Variants in PPARGC1A observed in about 807,000 individuals in gnomAD.
PPARGC1A encodes peroxisome proliferator-activated receptor gamma coactivator 1-alpha.
Under a neutral mutation model 88.7 loss-of-function variants are expected in PPARGC1A, and 25 were observed. The ratio of observed to expected loss-of-function variants is 0.28; its 90% CI spans 0.21 to 0.39. The LOEUF is 0.39. Ranked by LOEUF, PPARGC1A falls within the 10% of genes least tolerant of loss-of-function variation. PPARGC1A has a pLI of 1.00. For synonymous variants in PPARGC1A, 363 were observed against 355.6 expected, an observed-to-expected ratio of 1.02 and a Z score of -0.24; for missense variants, 880 against 968.7, an observed-to-expected ratio of 0.91 and a Z score of 1.22.
At chr4:23,947,245 G>T in the PPARGC1A span, among the ~76,000 whole-genome samples, 8 of 151,316 alleles carry the variant, frequency 5.3e-5, no homozygotes, top group African/African-American at 1.9e-4. Context: ...TATATTGTGT[G>T]CCTACTGTGT....
the PPARGC1A span, among the ~76,000 whole-genome samples, chr4:24,456,469 T>C: frequency 6.6e-6 from 1 of 152,102 alleles, no homozygotes; most frequent in East Asian, 1.9e-4. Flanking sequence ...CATACGATAT[T>C]TGCTAGATGA....
upstream of PPARGC1A, chr4:23,890,094 G>A (rs140052714): frequency 7.2e-7 from 1 of 1,392,342 alleles, no homozygotes; most frequent in East Asian, 2.5e-5. Context: ...CCAGTCACAT[G>A]ACAAAGCTAT....
chr4:24,250,652 G>A, the PPARGC1A span, among the ~76,000 whole-genome samples: 1 of 152,276 alleles, frequency 6.6e-6, no homozygotes, highest in East Asian at 1.9e-4. Context: ...AGAAAGAGGA[G>A]GAGGAAAAAA....
chr4:24,265,020 C>T, the PPARGC1A span, among the ~76,000 whole-genome samples: 2 of 152,176 alleles, frequency 1.3e-5, no homozygotes, highest in African/African-American at 4.8e-5. Flanking sequence ...CAATGTATGA[C>T]ATTGTATATG....
the PPARGC1A span, among the ~76,000 whole-genome samples, chr4:24,018,156 T>C: frequency 6.6e-6 from 1 of 152,222 alleles, no homozygotes; most frequent in African/African-American, 2.4e-5. Context: ...TAGATATTTA[T>C]AGCAATCATG....
chr4:24,033,896 C>T, the PPARGC1A span, among the ~76,000 whole-genome samples: 29 of 152,142 alleles, frequency 1.9e-4, no homozygotes, highest in Admixed American at 1.5e-3. Context: ...TACATTTAAG[C>T]TGCTTTCAAG....
chr4:23,994,124 C>T, the PPARGC1A span, among the ~76,000 whole-genome samples: 1 of 152,160 alleles, frequency 6.6e-6, no homozygotes, highest in African/African-American at 2.4e-5. Flanking sequence ...GAATCCCGGT[C>T]ACCTCATGTC....
the PPARGC1A span, among the ~76,000 whole-genome samples, chr4:23,966,672 A>G: frequency 0.13 from 19,939 of 152,214 alleles, 1,567 homozygotes; most frequent in East Asian, 0.27. Flanking sequence ...AGCTTAAGGA[A>G]TGAATATGGA....
intron 7 of PPARGC1A, among the ~76,000 whole-genome samples, 179 bp downstream of exon 7, chr4:23,824,101 T>C (rs933275575): frequency 7.6e-6 from 1 of 131,670 alleles, no homozygotes; most frequent in African/African-American, 2.6e-5. Flanking sequence ...TTCAATATTT[T>C]TTATTAGTTT....
the PPARGC1A span, among the ~76,000 whole-genome samples, chr4:24,000,030 T>C: frequency 6.6e-6 from 1 of 152,148 alleles, no homozygotes; most frequent in Non-Finnish European, 1.5e-5. Context: ...ATAAAAATGA[T>C]AGGTTTCAAA....
chr4:24,020,171 T>C, the PPARGC1A span, among the ~76,000 whole-genome samples: 1 of 152,204 alleles, frequency 6.6e-6, no homozygotes, highest in Admixed American at 6.5e-5. Context: ...CAAGCCAGTC[T>C]ACCACCCAAA....
At chr4:23,934,540 G>C in the PPARGC1A span, among the ~76,000 whole-genome samples, 1 of 152,172 alleles carries the variant, frequency 6.6e-6, no homozygotes, top group African/African-American at 2.4e-5. Flanking sequence ...GTAATCTGTG[G>C]AATGATGGAG....
chr4:23,797,845 A>G (rs1717900361), intron 12 of PPARGC1A, among the ~76,000 whole-genome samples: 5 of 152,196 alleles, frequency 3.3e-5, no homozygotes, highest in Admixed American at 3.3e-4. Flanking sequence ...AAAATGTTAT[A>G]GGTGTCAGGC....
chr4:24,317,596 A>C, the PPARGC1A span, among the ~76,000 whole-genome samples: 705 of 131,190 alleles, frequency 5.4e-3, 14 homozygotes, highest in African/African-American at 0.021. Context: ...AAAAAAAAAA[A>C]CACCACCACC....
chr4:23,901,079 G>T (rs1015702968), upstream of PPARGC1A, among the ~76,000 whole-genome samples: 4 of 151,964 alleles, frequency 2.6e-5, no homozygotes, highest in South Asian at 6.2e-4. Flanking sequence ...ATAAAAATTA[G>T]CCAGGAGGCC....
chr4:24,153,211 C>T, the PPARGC1A span, among the ~76,000 whole-genome samples: 47 of 152,170 alleles, frequency 3.1e-4, no homozygotes, highest in African/African-American at 1.1e-3. Flanking sequence ...TGAAAGAGGA[C>T]GAGGAATACT....
At chr4:24,274,101 C>T in the PPARGC1A span, among the ~76,000 whole-genome samples, 4 of 152,172 alleles carry the variant, frequency 2.6e-5, no homozygotes, top group African/African-American at 7.2e-5. Flanking sequence ...AAGTTCCATA[C>T]ATTTGGAAAT....
chr4:24,356,200 CAAAAA>C, the PPARGC1A span, among the ~76,000 whole-genome samples: 1 of 74,548 alleles, frequency 1.3e-5, no homozygotes, highest in African/African-American at 4.7e-5. Context: ...CCGTCTCAAA[CAAAAA>C]AAAAAAAAAA....
chr4:24,114,772 T>C, the PPARGC1A span, among the ~76,000 whole-genome samples: 1 of 152,216 alleles, frequency 6.6e-6, no homozygotes, highest in Non-Finnish European at 1.5e-5. Context: ...ACTACTGCCC[T>C]GAAAAATATT....
Sources: allele counts gnomAD v4.1 joint callset (sites outside exome capture counted in the v4.1 genomes callset), GRCh38; gene constraint gnomAD v4.1.1; transcripts MANE v1.5; gene names NCBI Gene and HGNC (gene_info 2026-07-23, HGNC 2026-07-21).